UNC13C: variants seen among roughly 807,000 people sequenced by gnomAD.
UNC13C encodes protein unc-13 homolog C.
Under a neutral mutation model 245.4 loss-of-function variants are expected in UNC13C, and 174 were observed. That is an observed-to-expected ratio of 0.71 (90% CI 0.63 to 0.80). The LOEUF is 0.80. UNC13C is among the 30% of genes least tolerant of loss of function. The pLI is 0.00. For synonymous variants in UNC13C, 992 were observed against 895.1 expected (o/e 1.11, Z -1.93); for missense variants, 2,829 against 2,602.9 (o/e 1.09, Z -1.89).
At chr15:54,508,942 A>G (rs2414323) in intron 23 of UNC13C, among the ~76,000 whole-genome samples, 134,913 of 152,212 alleles carry the variant, frequency 0.89, 59,997 homozygotes, top group African/African-American at 0.96. Flanking sequence ...GCTCACACCC[A>G]TAATTCCAGC....
intron 19 of UNC13C, among the ~76,000 whole-genome samples, chr15:54,477,751 G>T (rs1251778236): frequency 8.9e-5 from 13 of 146,626 alleles, no homozygotes; most frequent in African/African-American, 3.3e-4. Context: ...GTTCATCAAG[G>T]ATATTGGTCT....
chr15:54,038,122 A>AAATTTTTTTTTTTTT (rs1896658005), intron 2 of UNC13C, among the ~76,000 whole-genome samples: 1 of 50,256 alleles, frequency 2.0e-5, no homozygotes, highest in African/African-American at 9.5e-5. Context: ...ATATATATAT[A>AAATTTTTTTTTTTTT]TATTTTTTTT....
At position 54,250,354 on chromosome 15, in the gene UNC13C, G is replaced by A; in HGVS notation, c.3358G>A (p.Gly1120Ser). Residue 1120 changes from glycine (G) to serine (S), a missense_variant, in exon 8 of 33, where the codon GGC becomes AGC. Gly to Ser is a moderately conservative substitution (Grantham distance 56). Transcript: ENST00000260323. ...YCYECEGLLW[G>S]IARQGMKCLE... is the part of the protein sequence containing the mutation. ...TTATGAGTGTGAAGGGCTCCTGTGG[G>A]GCATTGCAAGGCAAGGCATGAAGTG... The A allele has an allele frequency of 6.2e-7, 1 of 1,613,896 alleles. No individual in the cohort carries two copies. Among genetic ancestry groups the A allele is most frequent in the South Asian group, 1.1e-5 (1 of 91,080 alleles).
At chr15:54,573,719 G>T (rs965999391) in intron 30 of UNC13C, among the ~76,000 whole-genome samples, 8 of 152,208 alleles carry the variant, frequency 5.3e-5, no homozygotes, top group South Asian at 2.1e-4. Context: ...GCAGAGCTTT[G>T]GTTGTCACAT....
the UNC13C span, among the ~76,000 whole-genome samples, chr15:53,928,834 A>C: frequency 2.6e-5 from 4 of 152,330 alleles, no homozygotes; most frequent in African/African-American, 9.6e-5. Context: ...AGATTATGTC[A>C]GTGGAATAAC....
At chr15:53,838,018 T>C in the UNC13C span, among the ~76,000 whole-genome samples, 1 of 152,134 alleles carries the variant, frequency 6.6e-6, no homozygotes, top group East Asian at 1.9e-4. Flanking sequence ...CCTTGCTTAA[T>C]CATCAATTTT....
At chr15:54,554,603 A>G (rs1177050227) in intron 28 of UNC13C, among the ~76,000 whole-genome samples, 1 of 152,044 alleles carries the variant, frequency 6.6e-6, no homozygotes. Context: ...CCTGTATTAA[A>G]CAATATATCT....
intron 2 of UNC13C, among the ~76,000 whole-genome samples, chr15:54,098,868 C>A (rs1282665272): frequency 6.6e-6 from 1 of 152,156 alleles, no homozygotes; most frequent in African/African-American, 2.4e-5. Flanking sequence ...AGGACATTTT[C>A]ATTCCCTAAT....
chr15:54,132,074 C>CTTTTTTTTTTTTT lies in UNC13C; in HGVS notation c.2984-10932_2984-10931insTTTTTTTTTTTTT, dbSNP rs1555420957. On this transcript the variant is annotated intron_variant, in intron 2 of 32. Coordinates refer to ENST00000260323, the MANE Select transcript of UNC13C (RefSeq NM_001080534.3). ...ATTGCAATTCAGTTTTTTTCTTTTTCTTTTTTTTTTTTGACAGCGTCTTGC... is the reference window on the plus strand; with the variant it reads ...ATTGCAATTCAGTTTTTTTCTTTTTCTTTTTTTTTTTTTTTTTTTTTTTTTGACAGCGTCTTGC... Among the ~76,000 whole-genome samples the CTTTTTTTTTTTTT allele has an allele frequency of 2.2e-4, 24 of 110,658 alleles. 1 individual carries two copies. Among genetic ancestry groups the CTTTTTTTTTTTTT allele is most frequent in the African/African-American group, 7.7e-4 (24 of 31,058 alleles). 72.6% of individuals were successfully genotyped at this position (110,658 alleles called of 152,430 possible).
At chr15:54,110,645 T>G (rs1275966452) in intron 2 of UNC13C, among the ~76,000 whole-genome samples, 3 of 152,240 alleles carry the variant, frequency 2.0e-5, no homozygotes, top group African/African-American at 7.2e-5. Context: ...ATATGATGTC[T>G]TTTTGAGAAA....
chr15:54,459,749 C>T (rs1014289310), intron 19 of UNC13C, among the ~76,000 whole-genome samples: 6 of 151,726 alleles, frequency 4.0e-5, no homozygotes, highest in Non-Finnish European at 5.9e-5. Flanking sequence ...AAGTTGTGCT[C>T]GTCTTTTCTT....
intron 2 of UNC13C, among the ~76,000 whole-genome samples, chr15:54,074,059 G>A (rs933511247): frequency 6.6e-6 from 1 of 152,172 alleles, no homozygotes; most frequent in South Asian, 2.1e-4. Flanking sequence ...TTTTGTATAA[G>A]GTGTAAGGAA....
At chr15:54,285,590 T>C (rs1000734409) in intron 10 of UNC13C, among the ~76,000 whole-genome samples, 1 of 152,218 alleles carries the variant, frequency 6.6e-6, no homozygotes, top group African/African-American at 2.4e-5. Flanking sequence ...CGTGGCTGCT[T>C]TGCCTCGAGA....
intron 13 of UNC13C, chr15:54,320,857 T>C (rs1033792256): frequency 2.8e-5 from 9 of 324,954 alleles, no homozygotes; most frequent in African/African-American, 1.7e-4. Context: ...TTTCTACCCT[T>C]CATTCATCCA....
At chr15:54,365,100 T>G (rs2039333850) in intron 17 of UNC13C, among the ~76,000 whole-genome samples, 1 of 152,108 alleles carries the variant, frequency 6.6e-6, no homozygotes, top group Non-Finnish European at 1.5e-5. Context: ...CCCCGTCAGA[T>G]CTGCAAAGCT....
At chr15:54,615,081 G>A (rs982091443) in intron 30 of UNC13C, among the ~76,000 whole-genome samples, 5 of 151,942 alleles carry the variant, frequency 3.3e-5, no homozygotes, top group African/African-American at 4.8e-5. Flanking sequence ...ATGTGACCTG[G>A]ATTAACCTTA....
intron 13 of UNC13C, among the ~76,000 whole-genome samples, chr15:54,304,566 A>G (rs1362323954): frequency 3.3e-5 from 5 of 150,696 alleles, no homozygotes; most frequent in Non-Finnish European, 1.5e-5. Context: ...ACCTAAACCC[A>G]CAGGCCTCTG....
At chr15:54,280,781 T>C (rs73413835) in intron 10 of UNC13C, among the ~76,000 whole-genome samples, 1,914 of 108,474 alleles carry the variant, frequency 0.018, 46 homozygotes, top group African/African-American at 0.072. Context: ...TATATATATA[T>C]ACACATATAT....
chr15:54,068,634 C>T (rs1019181936), intron 2 of UNC13C, among the ~76,000 whole-genome samples: 2 of 152,106 alleles, frequency 1.3e-5, no homozygotes, highest in Non-Finnish European at 2.9e-5. Context: ...ATTGTCTTCA[C>T]CTCATGATTA....
Sources: gnomAD v4.1 joint callset for allele counts (sites outside exome capture counted in the v4.1 genomes callset) on GRCh38, gnomAD v4.1.1 for gene constraint, MANE v1.5 for transcripts, NCBI Gene and HGNC (gene_info 2026-07-23, HGNC 2026-07-21) for gene names.